Variants in TTN observed in about 807,000 individuals in gnomAD.
The protein encoded by TTN is titin, also known as connectin.
In TTN, 1,525 loss-of-function variants were observed where a neutral mutation model predicts 3,223.0. The ratio of observed to expected loss-of-function variants is 0.47; its 90% CI spans 0.45 to 0.49. TTN has a LOEUF of 0.49. Ranked by LOEUF, TTN falls within the 20% of genes least tolerant of loss-of-function variation. TTN has a pLI of 0.00. For missense variants in TTN, 40,786 were observed against 43,424.0 expected, an observed-to-expected ratio of 0.94 and a Z score of 5.40; for synonymous variants, 14,094 against 15,161.0, an observed-to-expected ratio of 0.93 and a Z score of 5.17.
Position 178,689,883 on chromosome 2 carries a change from T to C in TTN, c.31776A>G (p.Pro10592=). 11 of 1,613,380 alleles carry C rather than the reference T, an allele frequency of 6.8e-6. No individual in the cohort carries two copies. The highest frequency in any genetic ancestry group is 9.3e-6 in the Non-Finnish European group (11 of 1,179,546). ...PAAPPKVPEV[P]KKPVPEEKIP... is the part of the protein sequence containing the mutation. ...TCTTTTCTTCAGGGACAGGTTTCTT[T>C]GGCACCTCTGGGACTTAAAGTTTTT... is the stretch of plus-strand genomic sequence containing the variant. The change falls in exon 122 of 363, where the codon CCA becomes CCG. Residue 10592 remains proline, a synonymous_variant. Transcript: ENST00000589042.
Position 178,675,076 on chromosome 2 carries a change from G to A in TTN, c.34575C>T (p.Ile11525=), listed in dbSNP as rs537187311. The change falls in exon 150 of 363, where the codon ATC becomes ATT. Residue 11525 remains isoleucine, a synonymous_variant. Coordinates refer to ENST00000589042, the MANE Select transcript of TTN (RefSeq NM_001267550.2). ...GAACTTCCTCTTCTTTAGGGAGAAT[G>A]ATTCGTTTTTCTTCCACCTTCTTAG... ...EVPKKVEEKR[I]ILPKEEEVLP... 17 of 1,559,240 alleles carry A rather than the reference G, an allele frequency of 1.1e-5. No individual in the cohort carries two copies. The highest frequency in any genetic ancestry group is 1.5e-5 in the Non-Finnish European group (17 of 1,158,760).
chr2:178,641,309 C>T lies in TTN; in HGVS notation c.40565G>A (p.Arg13522Lys). ...KEEVVLKSVLRKRPEEEEPKV... is the reference protein window; with the variant it reads ...KEEVVLKSVLKKRPEEEEPKV... ...AGGTTCTTCTTCTTCAGGTCTTTTTCTTAGAACTTTAAAGACAAAAAGGTT... is the reference window on the plus strand; with the variant it reads ...AGGTTCTTCTTCTTCAGGTCTTTTTTTTAGAACTTTAAAGACAAAAAGGTT... Residue 13522 changes from arginine to lysine, a missense_variant, in exon 220 of 363, where the codon AGA becomes AAA. Transcript: ENST00000589042. The T allele has an allele frequency of 6.7e-7, 1 of 1,485,156 alleles. No homozygotes were observed. Among genetic ancestry groups the T allele is most frequent in the Non-Finnish European group, 9.0e-7 (1 of 1,112,438 alleles). 92.0% of individuals were successfully genotyped at this position (1,485,156 alleles called of 1,614,324 possible). A position where few individuals can be genotyped will look rare whatever the true frequency, so the allele number is the denominator to read the frequency against.
rs777547127 is a variant in TTN at position 178,578,008 on chromosome 2, A to G, written c.68507T>C (p.Val22836Ala). ...CTTACCAATTGGGTCCAGTGCCACA[A>G]CAGGCTCTGATGGTAGGCTTGGCTT... ...VGKPSLPSEPVVALDPIDPPG... is the reference protein window; with the variant it reads ...VGKPSLPSEPAVALDPIDPPG... The change falls in exon 322 of 363, where the codon GTT (valine) becomes GCT (alanine). Residue 22836 changes from valine (V) to alanine (A), a missense_variant. Val to Ala is a moderately conservative substitution (Grantham distance 64, BLOSUM62 0). Transcript: ENST00000589042. The G allele has an allele frequency of 3.7e-6, 6 of 1,613,068 alleles. No individual in the cohort carries two copies. Among genetic ancestry groups the G allele is most frequent in the African/African-American group, 1.3e-5 (1 of 74,992 alleles).
chr2:178,662,935 C>T (rs776130405), intron 174 of TTN, 31 bp downstream of exon 174: 2 of 1,610,388 alleles, frequency 1.2e-6, no homozygotes, highest in Admixed American at 1.7e-5. Context: ...TCCCCAGGGC[C>T]CCCCGACTGA....
At chr2:178,528,012 T>C (rs944887240) in intron 361 of TTN, 5 of 550,140 alleles carry the variant, frequency 9.1e-6, no homozygotes, top group African/African-American at 3.8e-5. Context: ...ATTAGTCATA[T>C]AGAAAGTAAT....
Position 178,535,265 on chromosome 2 carries a change from C to G in TTN, c.101350G>C (p.Glu33784Gln), listed in dbSNP as rs918368881. 1.2e-6 allele frequency: 2 copies of G among 1,613,756 alleles called. No individual in the cohort carries two copies. Among genetic ancestry groups the G allele is most frequent in the Admixed American group, 3.3e-5 (2 of 59,980 alleles). Residue 33784 changes from glutamate to glutamine, a missense_variant, in exon 358 of 363, where the codon GAA becomes CAA. By Grantham distance (29) the Glu-to-Gln change is conservative (BLOSUM62 2). Transcript: ENST00000589042. ...TAGTTCATAGCTCTGGTCTTATCTT[C>G]TTTGGTTATGGTTGGTTCTGAAGGC... ...SEPSEPTITK[E>Q]DKTRAMNYDE...
At position 178,712,450 on chromosome 2, in the gene TTN, A is replaced by T; in HGVS notation, c.27472T>A (p.Cys9158Ser). The T allele has an allele frequency of 6.2e-7, 1 of 1,613,758 alleles. No homozygotes were observed. The highest frequency in any genetic ancestry group is 8.5e-7 in the Non-Finnish European group (1 of 1,179,798). Residue 9158 changes from cysteine to serine, a missense_variant, in exon 95 of 363, where the codon TGT (cysteine) becomes AGT (serine). Coordinates refer to ENST00000589042, the MANE Select transcript of TTN (RefSeq NM_001267550.2). ...GATTTTTCAGTCGTAGTTATATTAC[A>T]CCTCTGAGAAGGAGTTACATTTATG... ...NGINVTPSQR[C>S]NITTTEKSAI...
In TTN at chr2:178,577,351, T is replaced by G. The variant is rs879410317; in HGVS notation, c.68984A>C (p.Gln22995Pro). 5.0e-6 allele frequency: 8 copies of G among 1,612,804 alleles called. No homozygotes were observed. The highest frequency in any genetic ancestry group is 5.1e-6 in the Non-Finnish European group (6 of 1,179,504). ...GKDIRPSDITQITSTPTSSML... is the reference protein window; with the variant it reads ...GKDIRPSDITPITSTPTSSML... ...GGAAGATGTTGGGGTTGAAGTTATC[T>G]GAGTGATATCTGATGGTCTAATGTC... The change falls in exon 324 of 363, where the codon CAG (glutamine) becomes CCG (proline). Residue 22995 changes from glutamine to proline, a missense_variant. Physicochemically the swap from Gln to Pro is moderately conservative, Grantham distance 76. Transcript: ENST00000589042.
Position 178,757,615 on chromosome 2 carries a change from C to A in TTN, c.10605G>T (p.Gly3535=). 1.2e-6 allele frequency: 2 copies of A among 1,613,224 alleles called. No homozygotes were observed. Among genetic ancestry groups the A allele is most frequent in the Non-Finnish European group, 1.7e-6 (2 of 1,179,358 alleles). The part of the protein sequence containing the change: ...LIVDAYSEHA[G]QYSCKAANSA... Reference sequence around the variant, plus strand: ...TATTGGCTGCTTTGCAAGAGTACTGCCCAGCATGCTCTGAGTAAGCATCAA... The same window carrying A: ...TATTGGCTGCTTTGCAAGAGTACTGACCAGCATGCTCTGAGTAAGCATCAA... Residue 3535 remains glycine (G), a synonymous_variant, in exon 45 of 363, where the codon GGG becomes GGT. Coordinates refer to ENST00000589042, the MANE Select transcript of TTN (RefSeq NM_001267550.2).
rs930948392 is a variant in TTN, at chr2:178,681,086, A to C, written c.33333T>G (p.Ala11111=). 4 of 1,600,980 alleles carry C rather than the reference A, an allele frequency of 2.5e-6. No individual in the cohort carries two copies. The Admixed American group carries it at 5.3e-5, about 21-fold the overall frequency. Residue 11111 remains alanine, a synonymous_variant, in exon 138 of 363, where the codon GCT becomes GCG. Transcript: ENST00000589042. ...GGAAGGAAATCATTATACCTTTAGC[A>C]GCGGGTTCAGTCACCTGCTCTTTTT... The part of the protein sequence containing the change: ...KREKEQVTEP[A]AKVPMKPKRV...
In TTN at chr2:178,650,809, G is replaced by A. The variant is rs367566815; in HGVS notation, c.39651C>T (p.Val13217=). The stretch of plus-strand genomic sequence containing the variant: ...CAGGAACAGCTGGTTTCTCTTCCAA[G>A]ACAGGTTTCTTTGGCACTTCTGGCA... ...AKVPEVPKKP[V]LEEKPAVPVP... Residue 13217 remains valine (V), a synonymous_variant, in exon 209 of 363, where the codon GTC becomes GTT. Transcript: ENST00000589042. 3 of 1,607,284 alleles carry A rather than the reference G, an allele frequency of 1.9e-6. No homozygotes were observed. Among genetic ancestry groups the A allele is most frequent in the African/African-American group, 1.3e-5 (1 of 74,818 alleles).
rs1228411932 is a variant in TTN, at chr2:178,665,368, G to A, written c.36043+9C>T. 2.5e-6 allele frequency: 4 copies of A among 1,609,954 alleles called. No homozygotes were observed. The East Asian group carries it at 6.7e-5, about 27-fold the overall frequency. ...TTTCTTCTTCCACATTTGTTCAGAG[G>A]TAACGTACTTTTCATACGTGGAGTT... On this transcript the variant is annotated intron_variant, in intron 165 of 362. Coordinates refer to ENST00000589042, the MANE Select transcript of TTN (RefSeq NM_001267550.2).
At position 178,650,777 on chromosome 2, in the gene TTN, T is replaced by C; in HGVS notation, c.39683A>G (p.Glu13228Gly). 6.2e-7 allele frequency: 1 copy of C among 1,607,684 alleles called. No homozygotes were observed. Among genetic ancestry groups the C allele is most frequent in the Non-Finnish European group, 8.5e-7 (1 of 1,176,980 alleles). The change falls in exon 209 of 363, where the codon GAA becomes GGA. Residue 13228 changes from glutamate to glycine, a missense_variant. Transcript: ENST00000589042. ...LEEKPAVPVP[E>G]RAESPPPEVY... ...TTCTGGGGGAGGAGACTCCGCTCTT[T>C]CTGGAACAGGAACAGCTGGTTTCTC...
rs1559416738 is a variant in TTN at position 178,572,662 on chromosome 2, G to A, written c.73470C>T (p.Asn24490=). 6.2e-7 allele frequency: 1 copy of A among 1,613,000 alleles called. No homozygotes were observed. Among genetic ancestry groups the A allele is most frequent in the Non-Finnish European group, 8.5e-7 (1 of 1,179,370 alleles). The change falls in exon 326 of 363, where the codon AAC becomes AAT. Residue 24490 remains asparagine (N), a synonymous_variant. Transcript: ENST00000589042. ...SYTLLIVGNV[N]RFDSGKYILT... is the part of the protein sequence containing the mutation. The stretch of plus-strand genomic sequence containing the variant: ...GTATATATTTGCCACTGTCAAATCT[G>A]TTTACATTTCCAACAATAAGCAGGG...
chr2:178,537,987 CAGGAA>C, intron 354 of TTN, 70 bp from the exon 355 acceptor site: 1 of 1,339,864 alleles, frequency 7.5e-7, no homozygotes, highest in Non-Finnish European at 1.0e-6. Context: ...CCTTGTATAT[CAGGAA>C]TGAATTTACC....
In TTN at chr2:178,579,212, T is replaced by C. The variant is rs779520068; in HGVS notation, c.67818A>G (p.Thr22606=). The stretch of plus-strand genomic sequence containing the variant: ...TTTGGCAATCGTACACTATAAGAGT[T>C]GTGTTAACCGCAGATGACTCAACAC... ...RVSVESSAVN[T]TLIVYDCQKS... Residue 22606 remains threonine (T), a synonymous_variant, in exon 320 of 363, where the codon ACA becomes ACG. Transcript: ENST00000589042. 6.2e-7 allele frequency: 1 copy of C among 1,613,532 alleles called. No individual in the cohort carries two copies. The highest frequency in any genetic ancestry group is 8.5e-7 in the Non-Finnish European group (1 of 1,179,596).
Sources: allele counts gnomAD v4.1 joint callset, GRCh38; gene constraint gnomAD v4.1.1; transcripts MANE v1.5; gene names NCBI Gene and HGNC (gene_info 2026-07-23, HGNC 2026-07-21).